SORCS2: variants seen among roughly 807,000 people sequenced by gnomAD.
SORCS2 encodes sortilin related VPS10 domain containing receptor 2.
Under a neutral mutation model 141.6 loss-of-function variants are expected in SORCS2, and 100 were observed. That is an observed-to-expected ratio of 0.71 (90% CI 0.60 to 0.83). SORCS2 has a LOEUF of 0.83. Ranked by LOEUF, SORCS2 falls within the 40% of genes least tolerant of loss-of-function variation. The pLI is 0.00. For synonymous variants in SORCS2, 789 were observed against 676.9 expected (o/e 1.17, Z -2.57); for missense variants, 1,646 against 1,560.2 (o/e 1.05, Z -0.93).
rs543984189 is a variant in SORCS2 at position 7,371,895 on chromosome 4, C to A, written c.481-24393C>A. ...GGCCACAGCTGAGATAAAGAGGACGCCTGCATGCTGGTGGCCTCTAGAAGG... is the reference window on the plus strand; with the variant it reads ...GGCCACAGCTGAGATAAAGAGGACGACTGCATGCTGGTGGCCTCTAGAAGG... On this transcript the variant is annotated intron_variant, in intron 1 of 26. Transcript: ENST00000507866. Among the ~76,000 whole-genome samples, 5 of 152,302 alleles carry A rather than the reference C, an allele frequency of 3.3e-5. No homozygotes were observed. The East Asian group carries it at 9.6e-4, about 29-fold the overall frequency.
intron 4 of SORCS2, among the ~76,000 whole-genome samples, chr4:7,646,604 T>C (rs761214420): frequency 6.6e-6 from 1 of 151,962 alleles, no homozygotes; most frequent in Non-Finnish European, 1.5e-5. Flanking sequence ...CATTCCAGCC[T>C]GGGTGATGGA....
intron 3 of SORCS2, among the ~76,000 whole-genome samples, chr4:7,606,557 T>C (rs1429266115): frequency 2.0e-5 from 3 of 152,048 alleles, no homozygotes; most frequent in Non-Finnish European, 4.4e-5. Context: ...GCTAAGAACA[T>C]GTAGCTCCTG....
At chr4:7,610,591 G>GA (rs1227702148) in intron 3 of SORCS2, among the ~76,000 whole-genome samples, 2 of 152,122 alleles carry the variant, frequency 1.3e-5, no homozygotes, top group African/African-American at 2.4e-5. Flanking sequence ...GGTGGGGCTT[G>GA]GGGGGGTCCT....
In SORCS2 at chr4:7,712,739, T is replaced by C; in HGVS notation, c.1875T>C (p.Phe625=). The part of the protein sequence containing the change: ...PGDETLVMTV[F]GHISFRSDWE... Reference sequence around the variant, plus strand: ...CCTCCTCTTCCCACCCCAGGGTCTTTGGCCACATCAGCTTCCGCTCCGATT... The same window carrying C: ...CCTCCTCTTCCCACCCCAGGGTCTTCGGCCACATCAGCTTCCGCTCCGATT... The change falls in exon 15 of 27, where the codon TTT becomes TTC. Residue 625 remains phenylalanine (F), a synonymous_variant. Transcript: ENST00000507866. 6.2e-7 allele frequency: 1 copy of C among 1,613,972 alleles called. No homozygotes were observed. The highest frequency in any genetic ancestry group is 1.1e-5 in the South Asian group (1 of 91,076).
At chr4:7,617,274 C>T (rs1406312867) in intron 3 of SORCS2, among the ~76,000 whole-genome samples, 1 of 152,134 alleles carries the variant, frequency 6.6e-6, no homozygotes, top group African/African-American at 2.4e-5. Context: ...CCCACTCACC[C>T]CATTATCCAT....
At chr4:7,716,685 GTCCATCCA>G (rs34499695) in intron 17 of SORCS2, among the ~76,000 whole-genome samples, 23 of 151,284 alleles carry the variant, frequency 1.5e-4, no homozygotes, top group African/African-American at 5.3e-4. Context: ...TTCATTCACC[GTCCATCCA>G]TCCATCCATC....
intron 2 of SORCS2, among the ~76,000 whole-genome samples, chr4:7,522,119 AG>A (rs1733365258): frequency 6.6e-6 from 1 of 152,192 alleles, no homozygotes; most frequent in Non-Finnish European, 1.5e-5. Context: ...AGTCTCAGAA[AG>A]GTGTAAACCT....
At chr4:7,280,065 G>A (rs1333142173) in intron 1 of SORCS2, among the ~76,000 whole-genome samples, 2 of 152,158 alleles carry the variant, frequency 1.3e-5, no homozygotes, top group Admixed American at 6.5e-5. Context: ...CATTCACGGT[G>A]CTGTGAAGTG....
chr4:7,511,520 CAG>C (rs1732652315), intron 2 of SORCS2, among the ~76,000 whole-genome samples: 1 of 151,680 alleles, frequency 6.6e-6, no homozygotes, highest in Non-Finnish European at 1.5e-5. Context: ...GAGAAAGAGA[CAG>C]AGCAACAGAG....
intron 1 of SORCS2, among the ~76,000 whole-genome samples, chr4:7,240,344 A>C (rs1712608304): frequency 6.6e-6 from 1 of 152,104 alleles, no homozygotes; most frequent in African/African-American, 2.4e-5. Context: ...AAAATGTTTC[A>C]CCAGCAAATT....
chr4:7,389,285 T>A (rs1723704998), intron 1 of SORCS2, among the ~76,000 whole-genome samples: 1 of 152,156 alleles, frequency 6.6e-6, no homozygotes, highest in Non-Finnish European at 1.5e-5. Flanking sequence ...GTGGAGTTAC[T>A]GATGTGGAGT....
Position 7,401,970 on chromosome 4 carries a change from T to G in SORCS2, c.548+5615T>G, listed in dbSNP as rs62277576. Among the ~76,000 whole-genome samples, 6 of 152,248 alleles carry G rather than the reference T, an allele frequency of 3.9e-5. No homozygotes were observed. The South Asian group carries it at 1.0e-3, about 26-fold the overall frequency. On this transcript the variant is annotated intron_variant, in intron 2 of 26. Transcript: ENST00000507866. The stretch of plus-strand genomic sequence containing the variant: ...GGTAGGACACATGCCCAGGTACTCA[T>G]GAAACAGAGCCAAATGAATGTTCAC...
Position 7,739,919 on chromosome 4 carries a change from C to A in SORCS2, c.3416-281C>A, listed in dbSNP as rs117780246. On this transcript the variant is annotated intron_variant, in intron 26 of 26. Transcript: ENST00000507866. ...CTTGCTGCCGATGCCGGGGGCGATC[C>A]CCACGCAGGTCAGTGGCTGTGGCGG... is the stretch of plus-strand genomic sequence containing the variant. 1.1e-4 allele frequency among the ~76,000 whole-genome samples: 17 copies of A among 152,316 alleles called. No homozygotes were observed. The East Asian group carries it at 3.1e-3, about 28-fold the overall frequency.
chr4:7,413,595 C>T (rs1238745159), intron 2 of SORCS2, among the ~76,000 whole-genome samples: 4 of 152,026 alleles, frequency 2.6e-5, no homozygotes, highest in Non-Finnish European at 5.9e-5. Flanking sequence ...GCCACATTGG[C>T]AAGGATGGTC....
chr4:7,706,508 G>A (rs1577098247), intron 14 of SORCS2, among the ~76,000 whole-genome samples: 5 of 139,410 alleles, frequency 3.6e-5, no homozygotes, highest in East Asian at 2.2e-4. Context: ...CTCCGCCTGG[G>A]CAGGGATGAG....
chr4:7,422,392 C>G (rs1726136979), intron 2 of SORCS2, among the ~76,000 whole-genome samples: 1 of 152,138 alleles, frequency 6.6e-6, no homozygotes, highest in Non-Finnish European at 1.5e-5. Flanking sequence ...CTGGGCAGGC[C>G]CCTCCCGTGG....
chr4:7,531,692 G>T (rs982249941), intron 3 of SORCS2, 63 bp downstream of exon 3: 4 of 1,507,488 alleles, frequency 2.7e-6, no homozygotes, highest in Non-Finnish European at 3.7e-6. Flanking sequence ...ACTCTGCAGA[G>T]CAAGGAAGCT....
intron 3 of SORCS2, among the ~76,000 whole-genome samples, chr4:7,599,500 T>G (rs1400194561): frequency 6.6e-6 from 1 of 152,146 alleles, no homozygotes; most frequent in Non-Finnish European, 1.5e-5. Context: ...AAGGGGAAGT[T>G]GGATAACCCC....
At chr4:7,727,613 T>A (rs1727315133) in intron 21 of SORCS2, among the ~76,000 whole-genome samples, 1 of 152,198 alleles carries the variant, frequency 6.6e-6, no homozygotes, top group Admixed American at 6.5e-5. Context: ...AGGCTGCCCT[T>A]GGCTATTCTT....
Sources: allele counts gnomAD v4.1 joint callset (sites outside exome capture counted in the v4.1 genomes callset), GRCh38; gene constraint gnomAD v4.1.1; transcripts MANE v1.5; gene names NCBI Gene and HGNC (gene_info 2026-07-23, HGNC 2026-07-21).